The following PLEKHA2 variants were observed in gnomAD, a reference collection of about 807,000 sequenced individuals.
PLEKHA2 encodes the protein pleckstrin homology domain-containing family A member 2.
In PLEKHA2, 28 loss-of-function variants were observed where a neutral mutation model predicts 53.2. That is an observed-to-expected ratio of 0.53 (90% confidence interval 0.39 to 0.72). The LOEUF is 0.72. Among genes scored for constraint, PLEKHA2 ranks in the 30% least tolerant of loss-of-function variants. The pLI is 0.00. For missense variants in PLEKHA2, 426 were observed against 537.9 expected (o/e 0.79, Z 2.06); for synonymous variants, 193 against 196.4 (o/e 0.98, Z 0.14).
Position 38,969,703 on chromosome 8 carries a change from A to T in PLEKHA2, c.1198A>T (p.Arg400Ter). 6.4e-7 allele frequency: 1 copy of T among 1,566,208 alleles called. No homozygotes were observed. Among genetic ancestry groups the T allele is most frequent in the Non-Finnish European group, 8.7e-7 (1 of 1,155,564 alleles). ...GVLPSSRIRH[R>*]SEPQHPKEKP... Reference sequence around the variant, plus strand: ...GCTGCCCAGCTCCCGGATAAGGCACAGATCGGAGCCCCAGCACCCCAAGGA... The same window carrying T: ...GCTGCCCAGCTCCCGGATAAGGCACTGATCGGAGCCCCAGCACCCCAAGGA... The change falls in exon 12 of 12, where the codon AGA becomes TGA. Residue 400 changes from arginine to a stop codon, truncating the protein, a stop_gained. Transcript: ENST00000617275. LOFTEE classifies it high-confidence loss of function.
At chr8:38,947,480 A>G (rs181095757) in intron 5 of PLEKHA2, among the ~76,000 whole-genome samples, 3 of 152,174 alleles carry the variant, frequency 2.0e-5, no homozygotes, top group Non-Finnish European at 4.4e-5. Context: ...AAAATTAGCC[A>G]GGCCTGGTGG....
chr8:38,948,939 C>T (rs1381400796), intron 5 of PLEKHA2, among the ~76,000 whole-genome samples: 6 of 152,216 alleles, frequency 3.9e-5, no homozygotes, highest in Admixed American at 2.0e-4. Flanking sequence ...GGCGTGATCT[C>T]GGCTCACTGC....
At chr8:38,943,373 T>C (rs1358465177) in intron 3 of PLEKHA2, among the ~76,000 whole-genome samples, 1 of 151,868 alleles carries the variant, frequency 6.6e-6, no homozygotes, top group East Asian at 1.9e-4. Flanking sequence ...TTAAAAAAAA[T>C]TAGCCAGGAG....
intron 2 of PLEKHA2, among the ~76,000 whole-genome samples, chr8:38,928,967 A>G (rs749353773): frequency 8.5e-5 from 13 of 152,156 alleles, no homozygotes; most frequent in Non-Finnish European, 1.8e-4. Flanking sequence ...TGTCAGGGTG[A>G]GGGCTTTGGA....
chr8:38,905,727 C>T (rs1833861699), intron 1 of PLEKHA2, among the ~76,000 whole-genome samples: 1 of 150,640 alleles, frequency 6.6e-6, no homozygotes, highest in African/African-American at 2.4e-5. Flanking sequence ...CCCTGTCGCC[C>T]ATGCTGGAGT....
intron 1 of PLEKHA2, among the ~76,000 whole-genome samples, chr8:38,902,828 C>T (rs1414791727): frequency 6.6e-6 from 1 of 152,184 alleles, no homozygotes; most frequent in Non-Finnish European, 1.5e-5. Flanking sequence ...CTCTGGAGGG[C>T]TGGACCCTGT....
intron 2 of PLEKHA2, 84 bp downstream of exon 2, chr8:38,918,154 C>T: frequency 6.7e-7 from 1 of 1,496,594 alleles, no homozygotes; most frequent in Non-Finnish European, 9.0e-7. Context: ...GCCTCCAGGC[C>T]TAGGCTCGTG....
intron 5 of PLEKHA2, among the ~76,000 whole-genome samples, chr8:38,947,466 TA>T (rs1834736198): frequency 6.6e-6 from 1 of 151,212 alleles, no homozygotes; most frequent in South Asian, 2.1e-4. Context: ...AAATAAAAAA[TA>T]AAAAAATTAG....
intron 1 of PLEKHA2, among the ~76,000 whole-genome samples, chr8:38,902,667 C>T (rs566469578): frequency 6.6e-5 from 10 of 152,030 alleles, no homozygotes; most frequent in Non-Finnish European, 1.0e-4. Flanking sequence ...TCTTTGGTTG[C>T]GAAGCCTTCC....
chr8:38,951,798 C>G (rs529125780), intron 6 of PLEKHA2, among the ~76,000 whole-genome samples: 174 of 152,302 alleles, frequency 1.1e-3, no homozygotes, highest in African/African-American at 4.1e-3. Context: ...TGTCAGACTC[C>G]TGGGCTGAAG....
intron 5 of PLEKHA2, among the ~76,000 whole-genome samples, chr8:38,949,517 A>C (rs1275153767): frequency 2.0e-5 from 3 of 152,244 alleles, no homozygotes; most frequent in Non-Finnish European, 4.4e-5. Flanking sequence ...GACTAACAAA[A>C]CATTGTTTGG....
rs1179233310 is a variant in PLEKHA2, at chr8:38,947,347, G to A, written c.345+1126G>A. On this transcript the variant is annotated intron_variant, in intron 5 of 11. Transcript: ENST00000617275. The stretch of plus-strand genomic sequence containing the variant: ...CGCCTGTAGTCCCAGCTACTCAGGA[G>A]GCTGAGGCAGGAGAATCACTTGAAC... Among the ~76,000 whole-genome samples the A allele has an allele frequency of 2.0e-5, 3 of 152,298 alleles. No individual in the cohort carries two copies. In the East Asian group the frequency reaches 5.8e-4, roughly 29 times the overall value.
chr8:38,910,755 C>T (rs1833942541), intron 1 of PLEKHA2, among the ~76,000 whole-genome samples: 2 of 152,006 alleles, frequency 1.3e-5, no homozygotes. Context: ...TTATGTATAA[C>T]AGTGAAAAAT....
chr8:38,968,742 G>T, intron 11 of PLEKHA2, 73 bp downstream of exon 11: 1 of 1,522,574 alleles, frequency 6.6e-7, no homozygotes, highest in South Asian at 1.1e-5. Context: ...TGTTTTATTT[G>T]GTGATGTAGG....
chr8:38,933,778 T>TAAAAA (rs774899490), intron 2 of PLEKHA2, among the ~76,000 whole-genome samples: 4 of 49,016 alleles, frequency 8.2e-5, no homozygotes, highest in Admixed American at 2.1e-4. Flanking sequence ...AGAGGTTTCC[T>TAAAAA]AAAAAAAAAA....
intron 3 of PLEKHA2, among the ~76,000 whole-genome samples, chr8:38,941,511 A>G (rs989272609): frequency 2.6e-5 from 4 of 152,244 alleles, no homozygotes; most frequent in Non-Finnish European, 5.9e-5. Flanking sequence ...TTAACACCAG[A>G]TACAGCATCT....
chr8:38,955,204 C>T (rs183268769), intron 9 of PLEKHA2, among the ~76,000 whole-genome samples: 1 of 152,154 alleles, frequency 6.6e-6, no homozygotes, highest in Admixed American at 6.5e-5. Context: ...TTATCCCTCA[C>T]CCCCCTCCTG....
chr8:38,952,817 A>G, intron 8 of PLEKHA2, 113 bp downstream of exon 8: 3 of 1,094,850 alleles, frequency 2.7e-6, no homozygotes, highest in Non-Finnish European at 4.0e-6. Flanking sequence ...AAAGACTTCA[A>G]AGGCGCCTCT....
At chr8:38,958,313 A>T (rs1834978210) in intron 10 of PLEKHA2, among the ~76,000 whole-genome samples, 1 of 137,602 alleles carries the variant, frequency 7.3e-6, no homozygotes, top group Non-Finnish European at 1.6e-5. Context: ...ACAGAGCGAG[A>T]CTTTGTCTCA....
Sources: gnomAD v4.1 joint callset for allele counts (sites outside exome capture counted in the v4.1 genomes callset) on GRCh38, gnomAD v4.1.1 for gene constraint, MANE v1.5 for transcripts, NCBI Gene and HGNC (gene_info 2026-07-23, HGNC 2026-07-21) for gene names.